Variants in CCDC134 observed in about 807,000 individuals in gnomAD.
CCDC134 encodes the protein coiled-coil domain containing 134.
In CCDC134, 27 loss-of-function variants were observed where a neutral mutation model predicts 25.6. That is an observed-to-expected ratio of 1.05 (90% CI 0.78 to 1.45). The LOEUF is 1.45. Among genes scored for constraint, CCDC134 ranks in the 40% most tolerant of loss-of-function variants. CCDC134 has a pLI of 0.00. For missense variants in CCDC134, 261 were observed against 286.7 expected (o/e 0.91, Z 0.65); for synonymous variants, 110 against 115.0 (o/e 0.96, Z 0.28).
rs1361979555 is a variant in CCDC134, at chr22:41,827,516, A to G, written c.*1693A>G. ...AGGGTTTTACTGAGAATGAAAGTAT[A>G]CTCCACAGCATGGGAGAGGGCCTGA... is the stretch of plus-strand genomic sequence containing the variant. On this transcript the variant is annotated 3_prime_UTR_variant, in exon 7 of 7. Coordinates refer to ENST00000255784, the MANE Select transcript of CCDC134 (RefSeq NM_024821.5). 6.6e-6 allele frequency among the ~76,000 whole-genome samples: 1 copy of G among 152,152 alleles called. No homozygotes were observed. The highest frequency in any genetic ancestry group is 6.5e-5 in the Admixed American group (1 of 15,268).
chr22:41,809,816 C>T (rs1279980662), intron 2 of CCDC134, 63 bp from the exon 3 acceptor site: 3 of 1,599,996 alleles, frequency 1.9e-6, no homozygotes, highest in African/African-American at 2.7e-5. Context: ...CCTTCTGAGG[C>T]AAGACTGCTG....
rs1382675813 is a variant in CCDC134 at position 41,828,718 on chromosome 22, T to A, written c.*2895T>A. 2.6e-5 allele frequency among the ~76,000 whole-genome samples: 4 copies of A among 152,204 alleles called. No homozygotes were observed. The highest frequency in any genetic ancestry group is 2.6e-4 in the Admixed American group (4 of 15,282). ...GGCACATGTTTGTCCAGCTGCCTCT[T>A]GCAGCTGGGATTGTTAGGTCACTAT... On this transcript the variant is annotated 3_prime_UTR_variant, in exon 7 of 7. Coordinates refer to ENST00000255784, the MANE Select transcript of CCDC134 (RefSeq NM_024821.5).
intron 6 of CCDC134, among the ~76,000 whole-genome samples, chr22:41,817,026 T>C (rs1569357060): frequency 6.6e-6 from 1 of 152,188 alleles, no homozygotes; most frequent in Non-Finnish European, 1.5e-5. Context: ...AAATGTCAGG[T>C]ATGAATGGGA....
Position 41,825,987 on chromosome 22 carries a change from T to C in CCDC134, c.*164T>C. On this transcript the variant is annotated 3_prime_UTR_variant, in exon 7 of 7. Transcript: ENST00000255784. The surrounding 1 kb of genome is among the most constrained non-coding windows in gnomAD (Gnocchi z 4.4). ...GGGTCTGAGCCCCAGCTGAAGGGAC[T>C]GAGCCTCAGATGGCTGGATTTTCTC... 1.1e-6 allele frequency: 1 copy of C among 933,168 alleles called. No homozygotes were observed. Among genetic ancestry groups the C allele is most frequent in the Non-Finnish European group, 1.6e-6 (1 of 617,242 alleles). The allele number at this position is 933,168 out of a possible 1,614,324, so 57.8% of individuals were successfully genotyped here.
At chr22:41,806,214 A>ATTT (rs60425249) in intron 1 of CCDC134, among the ~76,000 whole-genome samples, 12 of 120,986 alleles carry the variant, frequency 9.9e-5, no homozygotes, top group African/African-American at 1.9e-4. Flanking sequence ...TAGGCGACTA[A>ATTT]TTTTTTTTTT....
rs780355638 is a variant in CCDC134, at chr22:41,825,652, C to G, written c.565-46C>G. 1.2e-6 allele frequency: 2 copies of G among 1,611,590 alleles called. No individual in the cohort carries two copies. Among genetic ancestry groups the G allele is most frequent in the South Asian group, 2.2e-5 (2 of 90,930 alleles). On this transcript the variant is annotated intron_variant, in intron 6 of 6. Transcript: ENST00000255784. This position sits in a 1 kb window ranked among gnomAD's most constrained non-coding sequence, Gnocchi z 4.4. Reference sequence around the variant, plus strand: ...CTGGTGGCCTAGCTCAGAGCAGGCTCTTTGCTGCCACAGACTAAATCAGAC... The same window carrying G: ...CTGGTGGCCTAGCTCAGAGCAGGCTGTTTGCTGCCACAGACTAAATCAGAC...
At chr22:41,803,028 C>T (rs1229989350) in intron 1 of CCDC134, among the ~76,000 whole-genome samples, 3 of 151,758 alleles carry the variant, frequency 2.0e-5, no homozygotes, top group African/African-American at 4.8e-5. Context: ...GCAGGAGAAT[C>T]GCTTGAACCT....
chr22:41,828,441 C>G lies in CCDC134; in HGVS notation c.*2618C>G, dbSNP rs2076689687. Among the ~76,000 whole-genome samples the G allele has an allele frequency of 6.6e-6, 1 of 152,218 alleles. No individual in the cohort carries two copies. Among genetic ancestry groups the G allele is most frequent in the Admixed American group, 6.5e-5 (1 of 15,292 alleles). On this transcript the variant is annotated 3_prime_UTR_variant, in exon 7 of 7. Transcript: ENST00000255784. ...GCCTGGTCTTGAACTATCTCCTCAT[C>G]TGCCCCTTCTGGCACCTCCTTCCTC... is the stretch of plus-strand genomic sequence containing the variant.
chr22:41,813,577 G>C, intron 5 of CCDC134, 132 bp downstream of exon 5: 1 of 1,233,364 alleles, frequency 8.1e-7, no homozygotes, highest in Non-Finnish European at 1.1e-6. Flanking sequence ...AGGGTATCTT[G>C]GGCCACAGAG....
chr22:41,825,841 G>A lies in CCDC134; in HGVS notation c.*18G>A. The A allele has an allele frequency of 1.2e-6, 2 of 1,613,022 alleles. No individual in the cohort carries two copies. The highest frequency in any genetic ancestry group is 2.2e-5 in the East Asian group (1 of 44,858). On this transcript the variant is annotated 3_prime_UTR_variant, in exon 7 of 7. Transcript: ENST00000255784. The surrounding 1 kb of genome is among the most constrained non-coding windows in gnomAD (Gnocchi z 4.4). ...AGTTATAGCCCTGGAGCAGCTCAGG[G>A]CTCAGGGGGCCACAAGGAGGCAGGT...
intron 6 of CCDC134, among the ~76,000 whole-genome samples, chr22:41,819,054 A>G (rs965254332): frequency 2.0e-5 from 3 of 152,156 alleles, no homozygotes; most frequent in Admixed American, 2.0e-4. Context: ...TACTTTCCTT[A>G]CATGCTGGAT....
intron 4 of CCDC134, 148 bp from the exon 5 acceptor site, chr22:41,813,116 T>C: frequency 2.7e-6 from 2 of 730,952 alleles, no homozygotes; most frequent in South Asian, 3.4e-5. Flanking sequence ...GCACTGTACA[T>C]GTGATTGGCA....
Position 41,808,939 on chromosome 22 carries a change from G to A in CCDC134, c.49G>A (p.Gly17Arg), listed in dbSNP as rs1329141645. Reference sequence around the variant, plus strand: ...CTTCCTCTTTGTCCTGCTTTTGTCTGGGATGGGAGCCACAGGCACCTTGAG... The same window carrying A: ...CTTCCTCTTTGTCCTGCTTTTGTCTAGGATGGGAGCCACAGGCACCTTGAG... ...LAFLFVLLLS[G>R]MGATGTLRTS... Residue 17 changes from glycine (G) to arginine (R), a missense_variant, in exon 2 of 7, where the codon GGG (glycine) becomes AGG (arginine). Physicochemically the swap from Gly to Arg is moderately radical, Grantham distance 125. Coordinates refer to ENST00000255784, the MANE Select transcript of CCDC134 (RefSeq NM_024821.5). 6.2e-7 allele frequency: 1 copy of A among 1,614,042 alleles called. No homozygotes were observed. The highest frequency in any genetic ancestry group is 8.5e-7 in the Non-Finnish European group (1 of 1,180,040).
chr22:41,810,194 G>A lies in CCDC134; in HGVS notation c.226-13G>A, dbSNP rs374311596. On this transcript the variant is annotated splice_polypyrimidine_tract_variant and intron_variant, in intron 3 of 6. Coordinates refer to ENST00000255784, the MANE Select transcript of CCDC134 (RefSeq NM_024821.5). ...CACTGCGAAGCCACTCAGCCCTGGCGGGATTCCCTCAGGTGCTGGAGGACT... is the reference window on the plus strand; with the variant it reads ...CACTGCGAAGCCACTCAGCCCTGGCAGGATTCCCTCAGGTGCTGGAGGACT... The A allele has an allele frequency of 3.7e-5, 59 of 1,613,604 alleles. 1 individual carries two copies. In the East Asian group the frequency reaches 5.8e-4, roughly 16 times the overall value.
chr22:41,822,439 C>T (rs1321394219), intron 6 of CCDC134, among the ~76,000 whole-genome samples: 2 of 152,122 alleles, frequency 1.3e-5, no homozygotes, highest in African/African-American at 4.8e-5. Flanking sequence ...CTCTTAACCA[C>T]AGTGCTGTGT....
At chr22:41,816,694 G>A (rs746297009) in intron 6 of CCDC134, among the ~76,000 whole-genome samples, 8 of 152,188 alleles carry the variant, frequency 5.3e-5, no homozygotes, top group African/African-American at 9.7e-5. Context: ...CGAGGTGGGC[G>A]GATCATGAGG....
intron 6 of CCDC134, among the ~76,000 whole-genome samples, chr22:41,820,904 C>T (rs551504989): frequency 6.6e-6 from 1 of 152,202 alleles, no homozygotes; most frequent in African/African-American, 2.4e-5. Context: ...CACCAAAAGC[C>T]GTGAGACAGG....
In CCDC134 at chr22:41,829,150, T is replaced by C. The variant is rs1602249706; in HGVS notation, c.*3327T>C. 1.3e-5 allele frequency among the ~76,000 whole-genome samples: 2 copies of C among 152,182 alleles called. No homozygotes were observed. Among genetic ancestry groups the C allele is most frequent in the East Asian group, 3.8e-4 (2 of 5,198 alleles). ...TGTCCAGACATTGCCAGATGTCCACTGGGAGGGAAAACCTCTCTGGTCCAC... is the reference window on the plus strand; with the variant it reads ...TGTCCAGACATTGCCAGATGTCCACCGGGAGGGAAAACCTCTCTGGTCCAC... On this transcript the variant is annotated 3_prime_UTR_variant, in exon 7 of 7. Coordinates refer to ENST00000255784, the MANE Select transcript of CCDC134 (RefSeq NM_024821.5).
chr22:41,819,448 A>G (rs936737772), intron 6 of CCDC134, among the ~76,000 whole-genome samples: 15 of 152,236 alleles, frequency 9.9e-5, no homozygotes, highest in African/African-American at 3.6e-4. Context: ...CAGGGCCTTC[A>G]GGGCAGAGGG....
Sources: allele counts gnomAD v4.1 joint callset (sites outside exome capture counted in the v4.1 genomes callset), GRCh38; gene constraint gnomAD v4.1.1; non-coding constraint Gnocchi (gnomAD v3.1); transcripts MANE v1.5; gene names NCBI Gene and HGNC (gene_info 2026-07-23, HGNC 2026-07-21).